The following UGT1A10 variants were observed in gnomAD, a reference collection of about 807,000 sequenced individuals.
The protein encoded by UGT1A10 is UDP glucuronosyltransferase family 1 member A10.
UGT1A10 carries 49 observed loss-of-function variants against 45.8 expected under a neutral mutation model. That is an observed-to-expected ratio of 1.07 (90% CI 0.85 to 1.36). UGT1A10 has a LOEUF of 1.36. Ranked by LOEUF, UGT1A10 falls within the 40% of genes most tolerant of loss-of-function variation. The pLI, the probability that UGT1A10 is intolerant of heterozygous loss-of-function variation, is 0.00. For missense variants in UGT1A10, 745 were observed against 668.6 expected (o/e 1.11, Z -1.26); for synonymous variants, 284 against 249.7 (o/e 1.14, Z -1.29).
chr2:233,735,829 A>G (rs1353832025), intron 1 of UGT1A10, among the ~76,000 whole-genome samples: 8 of 152,278 alleles, frequency 5.3e-5, no homozygotes, highest in African/African-American at 1.9e-4. Context: ...AGAATGTTGA[A>G]TATTGGCCCC....
chr2:233,754,591 G>T (rs1279768336), intron 1 of UGT1A10: 4 of 429,060 alleles, frequency 9.3e-6, no homozygotes, highest in South Asian at 6.6e-5. Context: ...TATTATGAAG[G>T]ACTTTAACTC....
chr2:233,729,874 A>C (rs1272831634), intron 1 of UGT1A10: 1 of 1,613,832 alleles, frequency 6.2e-7, no homozygotes, highest in Non-Finnish European at 8.5e-7. Flanking sequence ...GGATATTCTC[A>C]GTCATGCATC....
rs1316565909 is a variant in UGT1A10, at chr2:233,767,035, A to G, written c.857A>G (p.Glu286Gly). 6.2e-7 allele frequency: 1 copy of G among 1,614,064 alleles called. No homozygotes were observed. The highest frequency in any genetic ancestry group is 1.7e-5 in the Admixed American group (1 of 60,022). ...NCHQGKPLPM[E>G]FEAYINASGE... The stretch of plus-strand genomic sequence containing the variant: ...TGAAAATTTTTCTTCTGGCTCTAGG[A>G]ATTTGAAGCCTACATTAATGCTTCT... The change falls in exon 2 of 5, where the codon GAA (glutamate) becomes GGA (glycine). Residue 286 changes from glutamate to glycine, a missense_variant and splice_region_variant. Coordinates refer to ENST00000344644, the MANE Select transcript of UGT1A10 (RefSeq NM_019075.4).
intron 1 of UGT1A10, among the ~76,000 whole-genome samples, chr2:233,715,287 A>G (rs1325168484): frequency 6.6e-6 from 1 of 152,128 alleles, no homozygotes; most frequent in East Asian, 1.9e-4. Context: ...CTCCAGTTAT[A>G]TTTTGGCTCT....
chr2:233,691,501 C>T (rs1209738055), intron 1 of UGT1A10: 3 of 985,626 alleles, frequency 3.0e-6, no homozygotes, highest in South Asian at 4.7e-5. Context: ...AACAGGAACT[C>T]GCGTGCCAGC....
intron 1 of UGT1A10, chr2:233,648,513 T>G (rs1452985455): frequency 6.3e-6 from 1 of 158,834 alleles, no homozygotes; most frequent in Non-Finnish European, 1.4e-5. Flanking sequence ...CAGGCTGGAG[T>G]GCAGTGGCGT....
chr2:233,759,108 C>T (rs1480612171), intron 1 of UGT1A10, among the ~76,000 whole-genome samples: 2 of 152,176 alleles, frequency 1.3e-5, no homozygotes, highest in African/African-American at 2.4e-5. Flanking sequence ...AGTTTGCAAA[C>T]CAGGGAGTTA....
At chr2:233,729,574 T>C (rs774879716) in intron 1 of UGT1A10, 3 of 1,614,162 alleles carry the variant, frequency 1.9e-6, no homozygotes, top group Non-Finnish European at 1.7e-6. Flanking sequence ...TGATGTGGTT[T>C]TAACAGACCC....
intron 1 of UGT1A10, among the ~76,000 whole-genome samples, chr2:233,664,099 G>A (rs2074029097): frequency 6.6e-6 from 1 of 152,134 alleles, no homozygotes; most frequent in African/African-American, 2.4e-5. Flanking sequence ...ATGCAGCCAA[G>A]TTCTTTGTTA....
chr2:233,666,896 G>A (rs542125318), intron 1 of UGT1A10, among the ~76,000 whole-genome samples: 20 of 150,220 alleles, frequency 1.3e-4, no homozygotes, highest in African/African-American at 3.9e-4. Context: ...GAGAACATGC[G>A]GTGTTTGGTT....
chr2:233,668,597 T>C (rs1226156024), intron 1 of UGT1A10, among the ~76,000 whole-genome samples: 2 of 152,226 alleles, frequency 1.3e-5, no homozygotes, highest in Non-Finnish European at 2.9e-5. Flanking sequence ...GGTCAAATGG[T>C]ATTTCTAGTT....
intron 1 of UGT1A10, among the ~76,000 whole-genome samples, chr2:233,678,894 G>T (rs1012651965): frequency 3.3e-5 from 5 of 152,108 alleles, no homozygotes; most frequent in African/African-American, 9.7e-5. Flanking sequence ...GATTGGCTCT[G>T]TCATAAATCC....
At chr2:233,661,623 T>TTTTCTTTCTGTCTTTCTTTC (rs1553602619) in intron 1 of UGT1A10, among the ~76,000 whole-genome samples, 12 of 123,952 alleles carry the variant, frequency 9.7e-5, no homozygotes, top group African/African-American at 3.8e-4. Context: ...ACTTACTGAA[T>TTTTCTTTCTGTCTTTCTTTC]TTTCTTTCTT....
In UGT1A10 at chr2:233,636,876, C is replaced by T; in HGVS notation, c.354C>T (p.Asp118=). The change falls in exon 1 of 5, where the codon GAC becomes GAT. Residue 118 remains aspartate (D), a synonymous_variant. Coordinates refer to ENST00000344644, the MANE Select transcript of UGT1A10 (RefSeq NM_019075.4). ...TGAGTTCATCCAGTGGTTTTCTTGA[C>T]TTATTTTTTTCGCATTGCAGGAGTT... ...LLMSSSSGFL[D]LFFSHCRSLF... 6.2e-7 allele frequency: 1 copy of T among 1,614,042 alleles called. No homozygotes were observed. The highest frequency in any genetic ancestry group is 2.2e-5 in the East Asian group (1 of 44,874).
chr2:233,744,270 A>G (rs1372853090), intron 1 of UGT1A10, among the ~76,000 whole-genome samples: 1 of 151,776 alleles, frequency 6.6e-6, no homozygotes, highest in Non-Finnish European at 1.5e-5. Flanking sequence ...TTCTTAAAGT[A>G]GGCTTTATAT....
At chr2:233,716,621 G>T (rs1407040696) in intron 1 of UGT1A10, among the ~76,000 whole-genome samples, 2 of 152,070 alleles carry the variant, frequency 1.3e-5, no homozygotes, top group Non-Finnish European at 2.9e-5. Context: ...GTTTATTCTA[G>T]TGAAGTTTTT....
rs547775108 is a variant in UGT1A10, at chr2:233,640,104, G to A, written c.855+2727G>A. ...GCTTTCCCCATTGCTCTAAGATTCT[G>A]GCTATAGTCCAAGATCCAAATTCAA... On this transcript the variant is annotated intron_variant, in intron 1 of 4. Coordinates refer to ENST00000344644, the MANE Select transcript of UGT1A10 (RefSeq NM_019075.4). 5.5e-4 allele frequency among the ~76,000 whole-genome samples: 83 copies of A among 152,252 alleles called. 1 individual carries two copies. In the Middle Eastern group the frequency reaches 0.034, roughly 62 times the overall value.
chr2:233,648,107 T>C (rs1575399689), intron 1 of UGT1A10: 7 of 1,476,096 alleles, frequency 4.7e-6, no homozygotes, highest in Non-Finnish European at 6.4e-6. Flanking sequence ...CAGGAGTTCA[T>C]GGCTTTTGCC....
intron 1 of UGT1A10, among the ~76,000 whole-genome samples, chr2:233,696,448 G>A (rs1198346703): frequency 6.6e-6 from 1 of 152,068 alleles, no homozygotes; most frequent in African/African-American, 2.4e-5. Context: ...ATTTATAAAT[G>A]CTACTGATTT....
Sources: gnomAD v4.1 joint callset for allele counts (sites outside exome capture counted in the v4.1 genomes callset) on GRCh38, gnomAD v4.1.1 for gene constraint, MANE v1.5 for transcripts, NCBI Gene and HGNC (gene_info 2026-07-23, HGNC 2026-07-21) for gene names.